Variants in PTPRN2 observed in about 807,000 individuals in gnomAD.
The protein encoded by PTPRN2 is receptor-type tyrosine-protein phosphatase N2.
PTPRN2 carries 74 observed loss-of-function variants against 118.8 expected under a neutral mutation model. The ratio of observed to expected loss-of-function variants is 0.62; its 90% CI spans 0.52 to 0.76. The LOEUF is 0.76. Among genes scored for constraint, PTPRN2 ranks in the 30% least tolerant of loss-of-function variants. The pLI is 0.00. For missense variants in PTPRN2, 1,481 were observed against 1,394.4 expected, an observed-to-expected ratio of 1.06 and a Z score of -0.99; for synonymous variants, 641 against 608.0, an observed-to-expected ratio of 1.05 and a Z score of -0.80.
intron 18 of PTPRN2, among the ~76,000 whole-genome samples, chr7:157,577,104 A>G (rs1334155097): frequency 6.6e-6 from 1 of 152,238 alleles, no homozygotes; most frequent in Non-Finnish European, 1.5e-5. Context: ...ACCCTCAAAA[A>G]AAGGAACCAG....
At chr7:158,175,220 C>G (rs1824078441) in intron 5 of PTPRN2, among the ~76,000 whole-genome samples, 1 of 152,206 alleles carries the variant, frequency 6.6e-6, no homozygotes, top group Non-Finnish European at 1.5e-5. Context: ...CACTGACAGG[C>G]ACCTTGATCA....
At chr7:158,337,300 T>G (rs1312159718) in intron 2 of PTPRN2, among the ~76,000 whole-genome samples, 1 of 131,744 alleles carries the variant, frequency 7.6e-6, no homozygotes, top group South Asian at 2.6e-4. Context: ...ATAAGAGCTG[T>G]CACGCACAGA....
At chr7:158,341,630 G>A (rs1361707986) in intron 2 of PTPRN2, among the ~76,000 whole-genome samples, 1 of 36,708 alleles carries the variant, frequency 2.7e-5, no homozygotes, top group Admixed American at 2.1e-4. Flanking sequence ...CACCATAAGA[G>A]GTAACACATG....
rs865912848 is a variant in PTPRN2 at position 158,071,664 on chromosome 7, G to C, written c.1723+9634C>G. 3.0e-3 allele frequency among the ~76,000 whole-genome samples: 311 copies of C among 103,324 alleles called. 2 individuals are homozygous for C. The highest frequency in any genetic ancestry group is 8.6e-3 in the African/African-American group (236 of 27,344). The allele number at this position is 103,324 out of a possible 152,430, so 67.8% of individuals were successfully genotyped here. On this transcript the variant is annotated intron_variant, in intron 11 of 22. Transcript: ENST00000389418. Reference sequence around the variant, plus strand: ...GATGCTCGTGGTGATGGAGGTGCTCGTGGTGGTGGAGGTGCTCCTGGTGGA... The same window carrying C: ...GATGCTCGTGGTGATGGAGGTGCTCCTGGTGGTGGAGGTGCTCCTGGTGGA...
In PTPRN2 at chr7:157,583,807, G is replaced by A. The variant is rs1800513492; in HGVS notation, c.2497-5667C>T. Among the ~76,000 whole-genome samples, 1 of 152,066 alleles carries A rather than the reference G, an allele frequency of 6.6e-6. No homozygotes were observed. Among genetic ancestry groups the A allele is most frequent in the Non-Finnish European group, 1.5e-5 (1 of 68,024 alleles). ...TGAGGCAGGAGAACTGCTTGTGCCT[G>A]GAAGGCAGAGGTTGCAGTGAGCTGA... On this transcript the variant is annotated intron_variant, in intron 17 of 22. Coordinates refer to ENST00000389418, the MANE Select transcript of PTPRN2 (RefSeq NM_002847.5). The surrounding 1 kb of genome is among the most constrained non-coding windows in gnomAD (Gnocchi z 5.5).
At chr7:157,896,855 G>A (rs2128750773) in intron 12 of PTPRN2, among the ~76,000 whole-genome samples, 2 of 152,244 alleles carry the variant, frequency 1.3e-5, no homozygotes, top group Non-Finnish European at 2.9e-5. Flanking sequence ...AGGTTTCAAT[G>A]AGGAAGGTGT....
At chr7:158,416,480 G>A (rs1308105423) in intron 2 of PTPRN2, among the ~76,000 whole-genome samples, 1 of 152,220 alleles carries the variant, frequency 6.6e-6, no homozygotes, top group Non-Finnish European at 1.5e-5. Flanking sequence ...GGCTGCATGG[G>A]GATTGGCCAG....
At chr7:158,145,421 C>A (rs938942518) in intron 6 of PTPRN2, among the ~76,000 whole-genome samples, 1 of 152,244 alleles carries the variant, frequency 6.6e-6, no homozygotes, top group Non-Finnish European at 1.5e-5. Flanking sequence ...ACAGTGAGCG[C>A]CACACTCAAC....
rs4716496 is a variant in PTPRN2, at chr7:157,792,404, G to A, written c.1788+106269C>T. On this transcript the variant is annotated intron_variant, in intron 12 of 22. Transcript: ENST00000389418. ...GTCCCCTCTTTGCTGTGGCTCTGGC[G>A]GACATTAGCCAGCAGTGGAGAGAAG... 3.9e-4 allele frequency among the ~76,000 whole-genome samples: 59 copies of A among 152,276 alleles called. No individual in the cohort carries two copies. The South Asian group carries it at 5.4e-3, about 14-fold the overall frequency.
intron 17 of PTPRN2, among the ~76,000 whole-genome samples, chr7:157,586,656 C>T (rs1184511278): frequency 6.6e-6 from 1 of 152,134 alleles, no homozygotes; most frequent in African/African-American, 2.4e-5. Context: ...CACGTCTGTC[C>T]TGGAGACTCA....
intron 15 of PTPRN2, among the ~76,000 whole-genome samples, chr7:157,608,883 G>A (rs1283931231): frequency 6.6e-6 from 1 of 152,170 alleles, no homozygotes; most frequent in East Asian, 1.9e-4. Flanking sequence ...ACAGCCTGGG[G>A]CTCATGTTTC....
intron 4 of PTPRN2, among the ~76,000 whole-genome samples, chr7:158,203,465 A>C (rs930291209): frequency 1.3e-5 from 2 of 152,170 alleles, no homozygotes; most frequent in Non-Finnish European, 2.9e-5. Context: ...GTTGTTTAGA[A>C]GGCACAATCC....
At chr7:158,149,420 A>G (rs370583918) in intron 6 of PTPRN2, among the ~76,000 whole-genome samples, 3 of 151,206 alleles carry the variant, frequency 2.0e-5, no homozygotes, top group African/African-American at 4.9e-5. Context: ...AATGTATAAG[A>G]TGTTACCTTT....
At chr7:158,030,816 G>A (rs1382063340) in intron 11 of PTPRN2, 1 of 152,360 alleles carries the variant, frequency 6.6e-6, no homozygotes, top group Non-Finnish European at 1.5e-5. Context: ...ACTGTTCTAA[G>A]CCTGCCAGTG....
At chr7:158,177,140 A>G (rs1290769056) in intron 5 of PTPRN2, among the ~76,000 whole-genome samples, 6 of 152,236 alleles carry the variant, frequency 3.9e-5, no homozygotes, top group Non-Finnish European at 7.3e-5. Flanking sequence ...GCTGAGTCCA[A>G]GGACAGACGT....
chr7:158,169,560 C>T (rs944462672), intron 5 of PTPRN2, among the ~76,000 whole-genome samples: 7 of 151,088 alleles, frequency 4.6e-5, no homozygotes, highest in Non-Finnish European at 7.4e-5. Context: ...GGATTACAGG[C>T]GTGAGCCACC....
intron 3 of PTPRN2, among the ~76,000 whole-genome samples, chr7:158,206,550 T>TCCAGGAA (rs560544069): frequency 3.9e-4 from 60 of 151,984 alleles, no homozygotes; most frequent in Non-Finnish European, 6.6e-4. Context: ...GTCACCCAGC[T>TCCAGGAA]CCAGGAAGCT....
intron 12 of PTPRN2, among the ~76,000 whole-genome samples, chr7:157,747,896 G>C (rs1445455739): frequency 1.4e-5 from 2 of 147,912 alleles, no homozygotes; most frequent in Non-Finnish European, 3.0e-5. Flanking sequence ...GGGTGATTCT[G>C]AGGCCTGCGT....
chr7:157,984,269 C>CCCA (rs1554507036), intron 11 of PTPRN2, among the ~76,000 whole-genome samples: 3 of 24,406 alleles, frequency 1.2e-4, no homozygotes, highest in Non-Finnish European at 2.9e-4. Context: ...CAGGCTCCAC[C>CCCA]CCCCACGCCA....
Sources: allele counts gnomAD v4.1 joint callset (sites outside exome capture counted in the v4.1 genomes callset), GRCh38; gene constraint gnomAD v4.1.1; non-coding constraint Gnocchi (gnomAD v3.1); transcripts MANE v1.5; gene names NCBI Gene and HGNC (gene_info 2026-07-23, HGNC 2026-07-21).